Variants in LRPPRC observed in about 807,000 individuals in gnomAD.
The protein encoded by LRPPRC is leucine rich pentatricopeptide repeat containing, also known as leucine-rich PPR motif-containing protein, mitochondrial.
LRPPRC carries 120 observed loss-of-function variants against 180.3 expected under a neutral mutation model. The observed-to-expected ratio is 0.67, with a 90% confidence interval of 0.57 to 0.77. LRPPRC has a LOEUF of 0.77. LRPPRC is among the 30% of genes least tolerant of loss of function. The pLI is 0.00. For missense variants in LRPPRC, 2,012 were observed against 1,657.2 expected (o/e 1.21, Z -3.72); for synonymous variants, 723 against 600.0 (o/e 1.21, Z -3.00).
At chr2:43,976,727 AG>A (rs1380380706) in intron 5 of LRPPRC, among the ~76,000 whole-genome samples, 3 of 151,382 alleles carry the variant, frequency 2.0e-5, no homozygotes, top group African/African-American at 7.3e-5. Flanking sequence ...AAAAAAAAAA[AG>A]CAAAGTCAGC....
intron 14 of LRPPRC, among the ~76,000 whole-genome samples, chr2:43,954,414 C>T (rs1182357453): frequency 1.3e-5 from 2 of 152,126 alleles, no homozygotes; most frequent in East Asian, 1.9e-4. Flanking sequence ...ATTTGTCATC[C>T]ATCAGCTTGG....
In LRPPRC at chr2:43,888,657, C is replaced by CTGTT; in HGVS notation, c.4129-5_4129-2dup. 6.3e-7 allele frequency: 1 copy of CTGTT among 1,579,004 alleles called. No individual in the cohort carries two copies. The highest frequency in any genetic ancestry group is 1.1e-5 in the South Asian group (1 of 90,208). On this transcript the variant is annotated splice_acceptor_variant, in intron 37 of 37. Coordinates refer to ENST00000260665, the MANE Select transcript of LRPPRC (RefSeq NM_133259.4). LOFTEE classifies it high-confidence loss of function. The stretch of plus-strand genomic sequence containing the variant: ...GCTGTGCATAAAATTCAAAGCTTTC[C>CTGTT]TGTTAAGGAGAAAAAAAGAGGGAAG...
At chr2:43,992,322 G>T (rs1334470658) in intron 1 of LRPPRC, among the ~76,000 whole-genome samples, 1 of 152,212 alleles carries the variant, frequency 6.6e-6, no homozygotes, top group Non-Finnish European at 1.5e-5. Flanking sequence ...TACAAAATCA[G>T]AATCTGCAGT....
At position 43,948,532 on chromosome 2, in the gene LRPPRC, C is replaced by T. The variant is rs116117684; in HGVS notation, c.1736-14G>A. 1.1e-3 allele frequency: 1,427 copies of T among 1,241,936 alleles called. 19 individuals carry two copies. The African/African-American group carries it at 0.019, about 17-fold the overall frequency. 76.9% of individuals were successfully genotyped at this position (1,241,936 alleles called of 1,614,324 possible). On this transcript the variant is annotated splice_polypyrimidine_tract_variant and intron_variant, in intron 16 of 37. Transcript: ENST00000260665. The stretch of plus-strand genomic sequence containing the variant: ...AGCCAACAGCTTCTGTGGAAAAAAA[C>T]AAGAGAAAGCATTCCACTAAAATTA...
chr2:43,896,688 T>G lies in LRPPRC; in HGVS notation c.3846A>C (p.Glu1282Asp), dbSNP rs751447552. 6.8e-6 allele frequency: 11 copies of G among 1,609,958 alleles called. No individual in the cohort carries two copies. The highest frequency in any genetic ancestry group is 8.5e-6 in the Non-Finnish European group (10 of 1,176,256). Residue 1282 changes from glutamate to aspartate, a missense_variant, in exon 35 of 38, where the codon GAA (glutamate) becomes GAC (aspartate). Coordinates refer to ENST00000260665, the MANE Select transcript of LRPPRC (RefSeq NM_133259.4). ...GGAACAACAACAAAATCGGGGTTTG[T>G]TCAGCAATTGCACCACATCTCTAAA... The part of the protein sequence containing the change: ...ALLQRCGAIA[E>D]QTPILLLFLL...
At chr2:43,955,905 T>C (rs1462108291) in intron 14 of LRPPRC, among the ~76,000 whole-genome samples, 3 of 152,136 alleles carry the variant, frequency 2.0e-5, no homozygotes, top group African/African-American at 7.2e-5. Context: ...AAGGGGCCTC[T>C]GCAAGAGAGA....
In LRPPRC at chr2:43,918,061, C is replaced by T; in HGVS notation, c.3112G>A (p.Asp1038Asn). 1 of 1,607,708 alleles carries T rather than the reference C, an allele frequency of 6.2e-7. No homozygotes were observed. Among genetic ancestry groups the T allele is most frequent in the Non-Finnish European group, 8.5e-7 (1 of 1,176,386 alleles). The change falls in exon 29 of 38, where the codon GAT becomes AAT. Residue 1038 changes from aspartate to asparagine, a missense_variant. Transcript: ENST00000260665. ...TTCAATCGGCAGGCAATCAATATAT[C>T]TTTCTGGAAATCAGGTTCTGTGGTT... ...ASTTEPDFQK[D>N]ILIACRLNQK...
intron 36 of LRPPRC, among the ~76,000 whole-genome samples, chr2:43,892,342 G>A (rs1183801950): frequency 6.6e-6 from 1 of 152,200 alleles, no homozygotes; most frequent in African/African-American, 2.4e-5. Context: ...GTGACTTTAT[G>A]TTGATGCCAA....
At chr2:43,993,665 G>C (rs779957682) in intron 1 of LRPPRC, among the ~76,000 whole-genome samples, 9 of 151,650 alleles carry the variant, frequency 5.9e-5, no homozygotes, top group Non-Finnish European at 1.2e-4. Context: ...CTTCTTTATT[G>C]CCTGCTGTCA....
chr2:43,956,346 T>C (rs533488899), intron 14 of LRPPRC, among the ~76,000 whole-genome samples: 2 of 152,312 alleles, frequency 1.3e-5, no homozygotes, highest in Non-Finnish European at 2.9e-5. Context: ...TGGTACAGTA[T>C]TGTTAATTTT....
In LRPPRC at chr2:43,889,860, G is replaced by A. The variant is rs1670423535; in HGVS notation, c.4002C>T (p.Val1334=). ...LMKSYVSEKD[V]TSAKALYEHL... ...GTTCATACAGTGCTTTAGCAGATGTGACATCTTTCTCTGAGACTGACATAA... is the reference window on the plus strand; with the variant it reads ...GTTCATACAGTGCTTTAGCAGATGTAACATCTTTCTCTGAGACTGACATAA... The change falls in exon 37 of 38, where the codon GTC becomes GTT. Residue 1334 remains valine (V), a synonymous_variant. Coordinates refer to ENST00000260665, the MANE Select transcript of LRPPRC (RefSeq NM_133259.4). 1 of 1,607,494 alleles carries A rather than the reference G, an allele frequency of 6.2e-7. No homozygotes were observed. The highest frequency in any genetic ancestry group is 8.5e-7 in the Non-Finnish European group (1 of 1,174,106).
chr2:43,896,017 A>T (rs1670666750), intron 35 of LRPPRC, among the ~76,000 whole-genome samples: 1 of 152,038 alleles, frequency 6.6e-6, no homozygotes, highest in African/African-American at 2.4e-5. Flanking sequence ...AATTAGAATT[A>T]ATTTGTGGCT....
At chr2:43,917,202 G>A (rs557085963) in intron 29 of LRPPRC, among the ~76,000 whole-genome samples, 2 of 151,554 alleles carry the variant, frequency 1.3e-5, no homozygotes, top group African/African-American at 4.8e-5. Flanking sequence ...CAACATGCCC[G>A]GCTAATTTTG....
At chr2:43,949,755 C>T (rs1672827871) in intron 15 of LRPPRC, 96 bp from the exon 16 acceptor site, 1 of 806,760 alleles carries the variant, frequency 1.2e-6, no homozygotes, top group African/African-American at 1.7e-5. Context: ...AACCTCTCCC[C>T]AGTAAGGTAC....
At chr2:43,922,231 A>C (rs917397748) in intron 27 of LRPPRC, among the ~76,000 whole-genome samples, 1 of 152,240 alleles carries the variant, frequency 6.6e-6, no homozygotes, top group Non-Finnish European at 1.5e-5. Context: ...AAGCAGTTTT[A>C]TATTAATAAA....
intron 1 of LRPPRC, among the ~76,000 whole-genome samples, chr2:43,994,597 G>GCTGCAGTCT (rs61491116): frequency 0.52 from 79,217 of 151,126 alleles, 21,680 homozygotes; most frequent in Non-Finnish European, 0.58. Context: ...TCTGGAGTAG[G>GCTGCAGTCT]CTGCAGTCTG....
intron 36 of LRPPRC, among the ~76,000 whole-genome samples, chr2:43,890,635 C>A (rs1220019905): frequency 1.3e-5 from 2 of 152,286 alleles, no homozygotes. Flanking sequence ...ATGGTGTGAA[C>A]CCGGGAGGTG....
intron 27 of LRPPRC, among the ~76,000 whole-genome samples, chr2:43,924,561 G>A (rs11692949): frequency 4.6e-5 from 7 of 152,100 alleles, no homozygotes; most frequent in Non-Finnish European, 1.0e-4. Flanking sequence ...TTATTTGTAG[G>A]TGATTAAATA....
intron 14 of LRPPRC, among the ~76,000 whole-genome samples, chr2:43,950,864 G>C (rs914689410): frequency 6.6e-6 from 1 of 152,194 alleles, no homozygotes; most frequent in Non-Finnish European, 1.5e-5. Flanking sequence ...GAGGTCAGGA[G>C]TTTGAGACCA....
Sources: allele counts gnomAD v4.1 joint callset (sites outside exome capture counted in the v4.1 genomes callset), GRCh38; gene constraint gnomAD v4.1.1; transcripts MANE v1.5; gene names NCBI Gene and HGNC (gene_info 2026-07-23, HGNC 2026-07-21).